Variants in FANCA observed in about 807,000 individuals in gnomAD.
The protein encoded by FANCA is Fanconi anemia group A protein.
A neutral mutation model predicts 194.3 loss-of-function variants in FANCA; 236 were observed. The ratio of observed to expected loss-of-function variants is 1.21; its 90% CI spans 1.09 to 1.35. The LOEUF is 1.35. FANCA is among the 40% of genes most tolerant of loss of function. The pLI is 0.00. For synonymous variants in FANCA, 1,014 were observed against 715.8 expected, an observed-to-expected ratio of 1.42 and a Z score of -6.65; for missense variants, 2,628 against 1,813.9, an observed-to-expected ratio of 1.45 and a Z score of -8.15.
At position 89,740,019 on chromosome 16, in the gene FANCA, C is replaced by T; in HGVS notation, c.3909G>A (p.Leu1303=). The T allele has an allele frequency of 2.5e-6, 4 of 1,614,144 alleles. No individual in the cohort carries two copies. The highest frequency in any genetic ancestry group is 3.4e-6 in the Non-Finnish European group (4 of 1,180,012). Residue 1303 remains leucine (L), a synonymous_variant, in exon 39 of 43, where the codon CTG becomes CTA. Coordinates refer to ENST00000389301, the MANE Select transcript of FANCA (RefSeq NM_000135.4). The part of the protein sequence containing the change: ...ECLEKRKISW[L]ALFQLTESDL... ...CACTCTCTGTCAACTGAAAGAGTGC[C>T]AGCCAGGATATCTTCCTCTTCTCTA...
At chr16:89,771,841 T>G in intron 22 of FANCA, 27 bp from the exon 23 acceptor site, 1 of 1,612,900 alleles carries the variant, frequency 6.2e-7, no homozygotes, top group Non-Finnish European at 8.5e-7. Context: ...TAGTTAGGGA[T>G]GACAAGAACC....
intron 14 of FANCA, chr16:89,791,091 C>G: frequency 3.3e-6 from 1 of 303,508 alleles, no homozygotes; most frequent in Non-Finnish European, 6.1e-6. Context: ...CTTGATTTCG[C>G]TAATTTTCTT....
chr16:89,810,309 C>G lies in FANCA; in HGVS notation c.522+398G>C, dbSNP rs1328662356. ...CTGCACTCCAGCCTGTGCGACAGAGCGAGACTTCGTCTCAAAAAAAAAAAA... is the reference window on the plus strand; with the variant it reads ...CTGCACTCCAGCCTGTGCGACAGAGGGAGACTTCGTCTCAAAAAAAAAAAA... On this transcript the variant is annotated intron_variant, in intron 5 of 42. Coordinates refer to ENST00000389301, the MANE Select transcript of FANCA (RefSeq NM_000135.4). Among the ~76,000 whole-genome samples, 4 of 141,408 alleles carry G rather than the reference C, an allele frequency of 2.8e-5. No individual in the cohort carries two copies. In the Admixed American group the frequency reaches 3.0e-4, roughly 11 times the overall value. The allele number at this position is 141,408 out of a possible 152,430, so 92.8% of individuals were successfully genotyped here.
intron 26 of FANCA, among the ~76,000 whole-genome samples, chr16:89,768,134 C>G (rs1478725378): frequency 6.6e-6 from 1 of 152,136 alleles, no homozygotes; most frequent in African/African-American, 2.4e-5. Flanking sequence ...CTCTCACTAG[C>G]TGGGTGTGTG....
At chr16:89,808,256 G>A (rs201925841) in intron 6 of FANCA, 38 bp downstream of exon 6, 11 of 1,590,202 alleles carry the variant, frequency 6.9e-6, no homozygotes, top group African/African-American at 1.3e-5. Context: ...AGACTAGACT[G>A]CAAAAACAGT....
At chr16:89,811,245 AT>A (rs2040868027) in intron 3 of FANCA, among the ~76,000 whole-genome samples, 174 bp from the exon 4 acceptor site, 1 of 152,216 alleles carries the variant, frequency 6.6e-6, no homozygotes, top group South Asian at 2.1e-4. Context: ...GAATTTGATG[AT>A]CCAAGCAGCT....
At chr16:89,802,128 G>A (rs17232379) in intron 8 of FANCA, among the ~76,000 whole-genome samples, 7,555 of 152,130 alleles carry the variant, frequency 0.05, 661 homozygotes, top group African/African-American at 0.17. Flanking sequence ...CAGCTTTAAC[G>A]GAGTCTCGCT....
chr16:89,810,603 C>T (rs1042201097), intron 5 of FANCA, 104 bp downstream of exon 5: 5 of 813,392 alleles, frequency 6.1e-6, no homozygotes, highest in Non-Finnish European at 8.8e-6. Flanking sequence ...TAATGAGAAG[C>T]TTGGAGAATT....
At chr16:89,774,484 A>G (rs987456679) in intron 21 of FANCA, among the ~76,000 whole-genome samples, 2 of 152,126 alleles carry the variant, frequency 1.3e-5, no homozygotes, top group Admixed American at 1.3e-4. Context: ...TAATCCCAGC[A>G]CTGTGGGAGG....
At chr16:89,798,443 T>G in intron 10 of FANCA, 4 of 1,089,132 alleles carry the variant, frequency 3.7e-6, no homozygotes, top group Non-Finnish European at 4.5e-6. Context: ...ACAGTTACTG[T>G]GAGGGATGGG....
rs759859528 is a variant in FANCA at position 89,749,861 on chromosome 16, C to G, written c.3108G>C (p.Val1036=). The part of the protein sequence containing the change: ...ADLELQQDLI[V]PLGHTPSQEH... ...CCTGGGAAGGGGTGTGGCCGAGAGG[C>G]ACTATGAGGTCTTGCTGCAGCTCCA... Residue 1036 remains valine (V), a synonymous_variant, in exon 32 of 43, where the codon GTG becomes GTC. Coordinates refer to ENST00000389301, the MANE Select transcript of FANCA (RefSeq NM_000135.4). 2.5e-6 allele frequency: 4 copies of G among 1,614,174 alleles called. No homozygotes were observed. Among genetic ancestry groups the G allele is most frequent in the Admixed American group, 1.7e-5 (1 of 60,008 alleles).
At chr16:89,783,494 T>C (rs2143464887) in intron 15 of FANCA, among the ~76,000 whole-genome samples, 1 of 148,840 alleles carries the variant, frequency 6.7e-6, no homozygotes, top group East Asian at 2.0e-4. Flanking sequence ...GACCTTGCAG[T>C]GAGCCGAGAT....
At position 89,766,139 on chromosome 16, in the gene FANCA, G is replaced by A. The variant is rs958152593; in HGVS notation, c.2601+1002C>T. Among the ~76,000 whole-genome samples the A allele has an allele frequency of 5.3e-5, 8 of 151,898 alleles. No homozygotes were observed. In the South Asian group the frequency reaches 1.7e-3, roughly 32 times the overall value. On this transcript the variant is annotated intron_variant, in intron 27 of 42. Coordinates refer to ENST00000389301, the MANE Select transcript of FANCA (RefSeq NM_000135.4). ...AGCCTCCCAAGTAGCTGGGATTACA[G>A]GCGTGCGCCACCACGCCTGGCTAAT... is the stretch of plus-strand genomic sequence containing the variant.
In FANCA at chr16:89,737,900, T is replaced by G; in HGVS notation, c.*701A>C. On this transcript the variant is annotated 3_prime_UTR_variant, in exon 43 of 43. Transcript: ENST00000389301. ...AAATGCGACATTCGGGAGCCAAGCC[T>G]TTGCAGTAAGTGTGAGTCAGGACCC... is the stretch of plus-strand genomic sequence containing the variant. The G allele has an allele frequency of 1.9e-6, 3 of 1,605,924 alleles. No homozygotes were observed. The highest frequency in any genetic ancestry group is 2.5e-6 in the Non-Finnish European group (3 of 1,179,076).
Position 89,739,245 on chromosome 16 carries a change from G to A in FANCA, c.4055C>T (p.Ala1352Val). ...CATGTCCACAGCAACATGCAGGAAG[G>A]CCTCTTCCCTGATGGCCGCGTCTTC... ...FHEDAAIREE[A>V]FLHVAVDMYL... The change falls in exon 41 of 43, where the codon GCC (alanine) becomes GTC (valine). Residue 1352 changes from alanine to valine, a missense_variant. Transcript: ENST00000389301. 6.2e-7 allele frequency: 1 copy of A among 1,614,180 alleles called. No homozygotes were observed. Among genetic ancestry groups the A allele is most frequent in the Non-Finnish European group, 8.5e-7 (1 of 1,180,048 alleles).
Position 89,805,297 on chromosome 16 carries a change from G to GCGAC in FANCA, c.688_691dup (p.Ala231GlyfsTer8). Reference sequence around the variant, plus strand: ...GAACGCACCAGAAAGCATGGCCCTGGCGACGTCAGCATGCTGGCAGGATGC... The same window carrying GCGAC: ...GAACGCACCAGAAAGCATGGCCCTGGCGACCGACGTCAGCATGCTGGCAGGATGC... On this transcript the variant is annotated frameshift_variant, in exon 7 of 43. Transcript: ENST00000389301. LOFTEE classifies it high-confidence loss of function. 6.2e-7 allele frequency: 1 copy of GCGAC among 1,613,744 alleles called. No individual in the cohort carries two copies. The highest frequency in any genetic ancestry group is 1.6e-4 in the Middle Eastern group (1 of 6,062).
intron 2 of FANCA, among the ~76,000 whole-genome samples, chr16:89,815,601 C>A (rs1436258149): frequency 6.6e-6 from 1 of 152,120 alleles, no homozygotes; most frequent in Non-Finnish European, 1.5e-5. Context: ...AGTGATCCAC[C>A]CGCCTTGGCC....
Position 89,737,600 on chromosome 16 carries a change from C to T in FANCA, c.*1001G>A, listed in dbSNP as rs2061979355. 1 of 915,932 alleles carries T rather than the reference C, an allele frequency of 1.1e-6. No individual in the cohort carries two copies. The highest frequency in any genetic ancestry group is 1.6e-6 in the Non-Finnish European group (1 of 634,948). The allele number at this position is 915,932 out of a possible 1,614,324, so 56.7% of individuals were successfully genotyped here. A position where few individuals can be genotyped will look rare whatever the true frequency, so the allele number is the denominator to read the frequency against. ...TTTAAAAACCATCCTGAAATGCACA[C>T]AGCTGATGAAGCCACGTGACAGTGT... is the stretch of plus-strand genomic sequence containing the variant. On this transcript the variant is annotated 3_prime_UTR_variant, in exon 43 of 43. Coordinates refer to ENST00000389301, the MANE Select transcript of FANCA (RefSeq NM_000135.4).
chr16:89,746,779 C>A, intron 34 of FANCA, 52 bp downstream of exon 34: 1 of 1,583,490 alleles, frequency 6.3e-7, no homozygotes, highest in Admixed American at 1.8e-5. Context: ...ACAGGAGGAT[C>A]CACCCACGGC....
Sources: gnomAD v4.1 joint callset for allele counts (sites outside exome capture counted in the v4.1 genomes callset) on GRCh38, gnomAD v4.1.1 for gene constraint, MANE v1.5 for transcripts, NCBI Gene and HGNC (gene_info 2026-07-23, HGNC 2026-07-21) for gene names.